The following CD28 variants were observed in gnomAD, a reference collection of about 807,000 sequenced individuals.
CD28 encodes CD28 molecule.
Under a neutral mutation model 21.4 loss-of-function variants are expected in CD28, and 8 were observed. The ratio of observed to expected loss-of-function variants is 0.37; its 90% CI spans 0.22 to 0.68. The LOEUF (loss-of-function observed/expected upper bound fraction) is 0.68. Ranked by LOEUF, CD28 falls within the 30% of genes least tolerant of loss-of-function variation. The pLI, the probability that CD28 is intolerant of heterozygous loss-of-function variation, is 0.55. For missense variants in CD28, 239 were observed against 272.2 expected, an observed-to-expected ratio of 0.88 and a Z score of 0.86; for synonymous variants, 106 against 104.0, an observed-to-expected ratio of 1.02 and a Z score of -0.12.
chr2:203,723,573 G>T (rs553020157), intron 1 of CD28, among the ~76,000 whole-genome samples: 1 of 152,150 alleles, frequency 6.6e-6, no homozygotes, highest in Non-Finnish European at 1.5e-5. Context: ...GTTAATAAAT[G>T]GGCAAATGAT....
At chr2:203,734,009 A>T (rs1559558261) in intron 3 of CD28, among the ~76,000 whole-genome samples, 1 of 152,240 alleles carries the variant, frequency 6.6e-6, no homozygotes, top group Non-Finnish European at 1.5e-5. Flanking sequence ...GGAACTAGGC[A>T]CTTTTTTCAT....
chr2:203,724,748 C>T (rs1345619564), intron 1 of CD28, among the ~76,000 whole-genome samples: 1 of 152,110 alleles, frequency 6.6e-6, no homozygotes, highest in African/African-American at 2.4e-5. Flanking sequence ...CCATTTCCTT[C>T]TTACCAAAAC....
At position 203,706,675 on chromosome 2, in the gene CD28, C is replaced by T; in HGVS notation, c.-22C>T. On this transcript the variant is annotated 5_prime_UTR_variant, in exon 1 of 4. Transcript: ENST00000324106. ...TCCTCGGGGAGGAGGGGCTGGAACC[C>T]TAGCCCATCGTCAGGACAAAGATGC... 1 of 1,614,106 alleles carries T rather than the reference C, an allele frequency of 6.2e-7. No individual in the cohort carries two copies. Among genetic ancestry groups the T allele is most frequent in the Non-Finnish European group, 8.5e-7 (1 of 1,180,020 alleles).
intron 3 of CD28, among the ~76,000 whole-genome samples, chr2:203,733,911 AG>A (rs1227540964): frequency 1.3e-5 from 2 of 152,342 alleles, no homozygotes; most frequent in Admixed American, 6.5e-5. Flanking sequence ...AAACAAAACC[AG>A]GGCTGAAATC....
chr2:203,721,347 G>C, intron 1 of CD28, among the ~76,000 whole-genome samples: 1 of 152,118 alleles, frequency 6.6e-6, no homozygotes, highest in East Asian at 1.9e-4. Context: ...TCAGAAGAGA[G>C]CCCAAGCTCT....
At chr2:203,711,913 C>T (rs754019965) in intron 1 of CD28, among the ~76,000 whole-genome samples, 40 of 152,000 alleles carry the variant, frequency 2.6e-4, no homozygotes, top group Non-Finnish European at 4.6e-4. Flanking sequence ...AAATATAGGC[C>T]GGATATGGTG....
intron 1 of CD28, among the ~76,000 whole-genome samples, chr2:203,722,263 G>T (rs1693623471): frequency 6.6e-6 from 1 of 152,102 alleles, no homozygotes; most frequent in African/African-American, 2.4e-5. Context: ...GGAGTTGGTT[G>T]CTCTTCCAAT....
chr2:203,734,712 T>C (rs1693977875), intron 3 of CD28, 72 bp from the exon 4 acceptor site: 1 of 1,550,428 alleles, frequency 6.4e-7, no homozygotes, highest in Non-Finnish European at 8.9e-7. Context: ...ATATTATGAA[T>C]AGTTGTGCCC....
intron 1 of CD28, among the ~76,000 whole-genome samples, chr2:203,720,429 C>T (rs577128999): frequency 1.4e-4 from 22 of 152,324 alleles, no homozygotes; most frequent in Admixed American, 5.2e-4. Flanking sequence ...CCTAGGTAGA[C>T]CTTACCTGAA....
chr2:203,719,304 G>A (rs1693545586), intron 1 of CD28, among the ~76,000 whole-genome samples: 1 of 152,208 alleles, frequency 6.6e-6, no homozygotes, highest in Non-Finnish European at 1.5e-5. Context: ...TCATCTCCAA[G>A]TTCCCTTCCA....
In CD28 at chr2:203,734,862, C is replaced by T. The variant is rs749688881; in HGVS notation, c.613C>T (p.His205Tyr). 1.9e-6 allele frequency: 3 copies of T among 1,614,226 alleles called. No individual in the cohort carries two copies. The Admixed American group carries it at 5.0e-5, about 27-fold the overall frequency. ...CCGCCGCCCCGGGCCCACCCGCAAGCATTACCAGCCCTATGCCCCACCACG... is the reference window on the plus strand; with the variant it reads ...CCGCCGCCCCGGGCCCACCCGCAAGTATTACCAGCCCTATGCCCCACCACG... ...TPRRPGPTRKHYQPYAPPRDF... is the reference protein window; with the variant it reads ...TPRRPGPTRKYYQPYAPPRDF... The change falls in exon 4 of 4, where the codon CAT (histidine) becomes TAT (tyrosine). Residue 205 changes from histidine to tyrosine, a missense_variant. His to Tyr is a moderately conservative substitution (Grantham distance 83). Coordinates refer to ENST00000324106, the MANE Select transcript of CD28 (RefSeq NM_006139.4).
rs560285353 is a variant in CD28, at chr2:203,721,895, G to A, written c.53-4738G>A. 2.6e-5 allele frequency among the ~76,000 whole-genome samples: 4 copies of A among 152,074 alleles called. No homozygotes were observed. In the South Asian group the frequency reaches 8.3e-4, roughly 32 times the overall value. On this transcript the variant is annotated intron_variant, in intron 1 of 3. Transcript: ENST00000324106. ...CCCTGAGTTAGACAGGACATATTCA[G>A]CAAACCACTGGACTCTAGATGCCAC...
Position 203,726,916 on chromosome 2 carries a change from C to G in CD28, c.336C>G (p.Cys112Trp). 1 of 1,613,468 alleles carries G rather than the reference C, an allele frequency of 6.2e-7. No homozygotes were observed. Among genetic ancestry groups the G allele is most frequent in the Non-Finnish European group, 8.5e-7 (1 of 1,179,404 alleles). ...LYVNQTDIYF[C>W]KIEVMYPPPY... ...TTAACCAAACAGATATTTACTTCTGCAAAATTGAAGTTATGTATCCTCCTC... is the reference window on the plus strand; with the variant it reads ...TTAACCAAACAGATATTTACTTCTGGAAAATTGAAGTTATGTATCCTCCTC... Residue 112 changes from cysteine (C) to tryptophan (W), a missense_variant, in exon 2 of 4, where the codon TGC becomes TGG. By Grantham distance (215) the Cys-to-Trp change is radical (BLOSUM62 -2). Transcript: ENST00000324106.
At chr2:203,734,684 T>C in intron 3 of CD28, 100 bp from the exon 4 acceptor site, 1 of 1,436,962 alleles carries the variant, frequency 7.0e-7, no homozygotes, top group East Asian at 2.3e-5. Flanking sequence ...TTTTAGTGTC[T>C]CTGTCATTTG....
intron 1 of CD28, among the ~76,000 whole-genome samples, chr2:203,711,587 T>C (rs1178725877): frequency 2.0e-5 from 3 of 152,206 alleles, no homozygotes; most frequent in Non-Finnish European, 4.4e-5. Flanking sequence ...GCTGACAATA[T>C]AACCAGGTTA....
At chr2:203,720,697 C>T (rs1185873917) in intron 1 of CD28, among the ~76,000 whole-genome samples, 1 of 152,162 alleles carries the variant, frequency 6.6e-6, no homozygotes, top group Non-Finnish European at 1.5e-5. Context: ...CATATCAAAG[C>T]CAAATGTCAT....
chr2:203,708,055 A>G lies in CD28; in HGVS notation c.52+1307A>G, dbSNP rs1371840430. ...AAGGACAGTTATTTTTCCCTGAAAG[A>G]TACATTGAAAAGCCAGTATCCTCAA... On this transcript the variant is annotated intron_variant, in intron 1 of 3. Coordinates refer to ENST00000324106, the MANE Select transcript of CD28 (RefSeq NM_006139.4). Among the ~76,000 whole-genome samples, 3 of 152,328 alleles carry G rather than the reference A, an allele frequency of 2.0e-5. No individual in the cohort carries two copies. In the East Asian group the frequency reaches 5.8e-4, roughly 29 times the overall value.
intron 1 of CD28, among the ~76,000 whole-genome samples, chr2:203,713,205 T>C (rs538299844): frequency 3.3e-5 from 5 of 152,334 alleles, no homozygotes; most frequent in East Asian, 3.9e-4. Context: ...AGAATACTGG[T>C]AACAGAAATT....
chr2:203,726,543 G>C, intron 1 of CD28, 90 bp from the exon 2 acceptor site: 1 of 882,880 alleles, frequency 1.1e-6, no homozygotes. Flanking sequence ...CTGGAGATCT[G>C]TTCATTTAGT....
Sources: allele counts gnomAD v4.1 joint callset (sites outside exome capture counted in the v4.1 genomes callset), GRCh38; gene constraint gnomAD v4.1.1; transcripts MANE v1.5; gene names NCBI Gene and HGNC (gene_info 2026-07-23, HGNC 2026-07-21).